Variants in MIR2052HG observed in about 807,000 individuals in gnomAD.
MIR2052HG encodes MIR2052 host gene.
intron 2 of MIR2052HG, among the ~76,000 whole-genome samples, chr8:74,699,285 C>A (rs1310103392): frequency 6.6e-6 from 1 of 151,988 alleles, no homozygotes; most frequent in Non-Finnish European, 1.5e-5. Context: ...AAGAAGTCAT[C>A]ATACGAAAAA....
intron 4 of MIR2052HG, among the ~76,000 whole-genome samples, chr8:74,739,477 A>T (rs558087326): frequency 6.6e-6 from 1 of 152,206 alleles, no homozygotes; most frequent in Non-Finnish European, 1.5e-5. Context: ...TCTTGAACTT[A>T]TAAAATTACA....
At chr8:74,677,902 G>A (rs1809071837) in intron 2 of MIR2052HG, among the ~76,000 whole-genome samples, 1 of 152,104 alleles carries the variant, frequency 6.6e-6, no homozygotes, top group Non-Finnish European at 1.5e-5. Flanking sequence ...TGATGAGACT[G>A]ATTGAGGAAA....
intron 2 of MIR2052HG, among the ~76,000 whole-genome samples, chr8:74,688,572 T>G (rs1809207401): frequency 6.6e-6 from 1 of 152,236 alleles, no homozygotes; most frequent in African/African-American, 2.4e-5. Flanking sequence ...TATTAGATGC[T>G]GCACAAATAT....
chr8:74,705,564 G>A (rs1481815227), intron 4 of MIR2052HG: 2 of 168,942 alleles, frequency 1.2e-5, no homozygotes, highest in Non-Finnish European at 2.9e-5. Flanking sequence ...GTTGGCCTGT[G>A]AGATTTGAAA....
At chr8:74,674,134 TTTTG>T (rs1312639032) in intron 2 of MIR2052HG, among the ~76,000 whole-genome samples, 1 of 114,366 alleles carries the variant, frequency 8.7e-6, no homozygotes, top group African/African-American at 6.2e-5. Context: ...TACCAGAGGT[TTTTG>T]TGTGTGTGTG....
intron 2 of MIR2052HG, among the ~76,000 whole-genome samples, chr8:74,638,919 C>T (rs1463251907): frequency 6.6e-6 from 1 of 152,064 alleles, no homozygotes; most frequent in Admixed American, 6.6e-5. Flanking sequence ...GGTTGAAAGG[C>T]TGAGGACTGA....
chr8:74,736,614 T>C (rs1403214297), intron 4 of MIR2052HG, among the ~76,000 whole-genome samples: 1 of 152,226 alleles, frequency 6.6e-6, no homozygotes, highest in East Asian at 1.9e-4. Flanking sequence ...GGAAATATTT[T>C]TGTCAAGAGG....
chr8:74,678,563 C>CAAAAA (rs763073114), intron 2 of MIR2052HG, among the ~76,000 whole-genome samples: 1 of 53,518 alleles, frequency 1.9e-5, no homozygotes, highest in Non-Finnish European at 3.5e-5. Context: ...GAGTTTGTCT[C>CAAAAA]AAAAAAAAAA....
intron 4 of MIR2052HG, among the ~76,000 whole-genome samples, chr8:74,720,487 G>A (rs994408580): frequency 6.6e-6 from 1 of 152,164 alleles, no homozygotes; most frequent in African/African-American, 2.4e-5. Context: ...GGAATCACAA[G>A]TGACATATTT....
chr8:74,673,906 T>TATATATATATATAC (rs796668051), intron 2 of MIR2052HG, among the ~76,000 whole-genome samples: 1 of 138,298 alleles, frequency 7.2e-6, no homozygotes, highest in South Asian at 2.2e-4. Flanking sequence ...TATATATATA[T>TATATATATATATAC]ATATACACAC....
chr8:74,715,571 T>A (rs1809511957), intron 4 of MIR2052HG, among the ~76,000 whole-genome samples: 1 of 152,186 alleles, frequency 6.6e-6, no homozygotes, highest in South Asian at 2.1e-4. Context: ...TAAATGGACA[T>A]CTTGGTCATT....
At chr8:74,692,975 C>A (rs903920008) in intron 2 of MIR2052HG, among the ~76,000 whole-genome samples, 28 of 152,144 alleles carry the variant, frequency 1.8e-4, no homozygotes, top group Admixed American at 8.5e-4. Context: ...ATCTTGGAAG[C>A]ATGAAAATGG....
intron 2 of MIR2052HG, chr8:74,613,066 A>C (rs1288039418): frequency 2.8e-6 from 1 of 354,516 alleles, no homozygotes; most frequent in Non-Finnish European, 5.7e-6. Flanking sequence ...TGCTGATGAG[A>C]GAGGCCACGG....
intron 2 of MIR2052HG, among the ~76,000 whole-genome samples, chr8:74,668,045 TG>T (rs1433597898): frequency 3.3e-5 from 5 of 150,148 alleles, no homozygotes; most frequent in African/African-American, 1.2e-4. Flanking sequence ...AAAAACCCAG[TG>T]ACCCTCCCTC....
intron 2 of MIR2052HG, among the ~76,000 whole-genome samples, chr8:74,647,360 CTCT>C (rs1808699862): frequency 6.6e-6 from 1 of 152,126 alleles, no homozygotes; most frequent in African/African-American, 2.4e-5. Context: ...GACGAAATGG[CTCT>C]TCTTACAAGG....
intron 4 of MIR2052HG, among the ~76,000 whole-genome samples, chr8:74,746,107 C>A (rs994677080): frequency 2.0e-5 from 3 of 152,146 alleles, no homozygotes; most frequent in Non-Finnish European, 4.4e-5. Context: ...ATTCTTGACT[C>A]TTCCACAGAC....
chr8:74,685,684 G>T (rs1340569146), intron 2 of MIR2052HG, among the ~76,000 whole-genome samples: 2 of 152,004 alleles, frequency 1.3e-5, no homozygotes, highest in Admixed American at 1.3e-4. Flanking sequence ...TGGATCAGAA[G>T]AGCTAGCACA....
At chr8:74,724,580 A>G (rs1020062966) in intron 4 of MIR2052HG, among the ~76,000 whole-genome samples, 1 of 152,196 alleles carries the variant, frequency 6.6e-6, no homozygotes, top group Non-Finnish European at 1.5e-5. Context: ...AACTCCTTTG[A>G]GCATGTTGCA....
intron 4 of MIR2052HG, among the ~76,000 whole-genome samples, chr8:74,740,156 A>G (rs972262433): frequency 3.9e-4 from 59 of 152,214 alleles, no homozygotes; most frequent in African/African-American, 1.4e-3. Context: ...CTTTTTCATT[A>G]ATTTCATTCA....
Sources: gnomAD v4.1 joint callset for allele counts (sites outside exome capture counted in the v4.1 genomes callset) on GRCh38, gnomAD v4.1.1 for gene constraint, MANE v1.5 for transcripts, NCBI Gene and HGNC (gene_info 2026-07-23, HGNC 2026-07-21) for gene names.